The following HYDIN variants were observed in gnomAD, a reference collection of about 807,000 sequenced individuals.
The protein encoded by HYDIN is HYDIN axonemal central pair apparatus protein, also known as axonemal central pair apparatus protein HYDIN.
HYDIN carries 132 observed loss-of-function variants against 403.9 expected under a neutral mutation model. That is an observed-to-expected ratio of 0.33 (90% CI 0.28 to 0.38). The LOEUF (loss-of-function observed/expected upper bound fraction) is 0.38, where lower values mean the gene tolerates loss of function less well. Among genes scored for constraint, HYDIN ranks in the 10% least tolerant of loss-of-function variants. The probability of loss-of-function intolerance (pLI) is 1.00; values close to 1 mark genes in which losing one functional copy is unlikely to be tolerated. For synonymous variants in HYDIN, 1,202 were observed against 1,891.7 expected (o/e 0.64, Z 9.46); for missense variants, 2,827 against 5,009.5 (o/e 0.56, Z 13.15).
intron 75 of HYDIN, among the ~76,000 whole-genome samples, chr16:70,847,163 C>G (rs1212554570): frequency 6.6e-6 from 1 of 151,824 alleles, no homozygotes; most frequent in Non-Finnish European, 1.5e-5. Context: ...TTAATAACAA[C>G]TTAATTTCAA....
intron 9 of HYDIN, among the ~76,000 whole-genome samples, chr16:71,128,538 G>C (rs2084566683): frequency 6.6e-6 from 1 of 151,992 alleles, no homozygotes; most frequent in Admixed American, 6.6e-5. Context: ...GCAACAATTC[G>C]GCAGCGCTAA....
At chr16:71,117,802 G>T (rs2084098084) in intron 9 of HYDIN, among the ~76,000 whole-genome samples, 2 of 152,088 alleles carry the variant, frequency 1.3e-5, no homozygotes, top group African/African-American at 2.4e-5. Flanking sequence ...TATCAAACAA[G>T]AGGGAGAAAA....
At chr16:71,215,089 A>G (rs1023283900) in intron 1 of HYDIN, among the ~76,000 whole-genome samples, 7 of 152,190 alleles carry the variant, frequency 4.6e-5, no homozygotes, top group African/African-American at 1.4e-4. Flanking sequence ...CAATCAATTC[A>G]TCAATCAAAT....
At chr16:70,875,621 T>G (rs370123993) in intron 62 of HYDIN, among the ~76,000 whole-genome samples, 3 of 152,274 alleles carry the variant, frequency 2.0e-5, no homozygotes, top group African/African-American at 7.2e-5. Context: ...AGATAAAAAA[T>G]TATGTATTTA....
At chr16:71,002,930 TC>T (rs1310276245) in intron 23 of HYDIN, among the ~76,000 whole-genome samples, 1 of 151,998 alleles carries the variant, frequency 6.6e-6, no homozygotes, top group Non-Finnish European at 1.5e-5. Context: ...TGCCTTGGCC[TC>T]CCAAAGTGCT....
intron 1 of HYDIN, among the ~76,000 whole-genome samples, chr16:71,221,783 T>C (rs1377938830): frequency 6.6e-6 from 1 of 152,186 alleles, no homozygotes; most frequent in African/African-American, 2.4e-5. Context: ...AGAAATATAG[T>C]GTTAAATCAA....
At chr16:70,979,805 T>A (rs1403217802) in intron 29 of HYDIN, among the ~76,000 whole-genome samples, 1 of 152,070 alleles carries the variant, frequency 6.6e-6, no homozygotes, top group Non-Finnish European at 1.5e-5. Context: ...GTGGCTGTAA[T>A]CCCAGCTACT....
intron 42 of HYDIN, among the ~76,000 whole-genome samples, chr16:70,943,392 T>C (rs1318887984): frequency 6.6e-6 from 1 of 152,214 alleles, no homozygotes; most frequent in East Asian, 1.9e-4. Flanking sequence ...ATGTGTGTAG[T>C]ATACATTTCT....
chr16:70,860,994 G>A, intron 69 of HYDIN, 93 bp from the exon 70 acceptor site: 3 of 965,708 alleles, frequency 3.1e-6, no homozygotes, highest in African/African-American at 1.7e-5. Flanking sequence ...CCACCAGAAT[G>A]TGAGCTCTAT....
chr16:70,963,660 G>GT (rs2078485544), intron 37 of HYDIN, among the ~76,000 whole-genome samples: 1 of 81,692 alleles, frequency 1.2e-5, no homozygotes, highest in Non-Finnish European at 2.3e-5. Context: ...CAAACTCAAG[G>GT]AACGTGACTA....
intron 10 of HYDIN, among the ~76,000 whole-genome samples, chr16:71,110,392 A>T (rs373749007): frequency 7.1e-6 from 1 of 141,294 alleles, no homozygotes; most frequent in Non-Finnish European, 1.5e-5. Flanking sequence ...CATATATTTT[A>T]TATATATATT....
At chr16:70,858,764 A>G (rs2027509) in intron 71 of HYDIN, among the ~76,000 whole-genome samples, 3,244 of 108,486 alleles carry the variant, frequency 0.03, no homozygotes, top group South Asian at 0.092. Flanking sequence ...GCCTCTTGGA[A>G]CCGAGCTCAC....
At chr16:71,123,800 T>C (rs1030742699) in intron 9 of HYDIN, among the ~76,000 whole-genome samples, 7 of 151,076 alleles carry the variant, frequency 4.6e-5, no homozygotes, top group African/African-American at 1.5e-4. Context: ...TGAGATCTGA[T>C]GGTTTTATAA....
intron 18 of HYDIN, among the ~76,000 whole-genome samples, chr16:71,038,524 G>A (rs1369271070): frequency 1.3e-5 from 2 of 151,728 alleles, no homozygotes; most frequent in African/African-American, 4.8e-5. Flanking sequence ...CTCCTTCCAT[G>A]AAATAAAGAG....
intron 10 of HYDIN, among the ~76,000 whole-genome samples, chr16:71,094,842 G>A (rs1209509541): frequency 3.3e-5 from 5 of 152,102 alleles, no homozygotes; most frequent in Non-Finnish European, 7.4e-5. Context: ...CAGCAATGAG[G>A]GCAGATTTTC....
At chr16:71,111,326 C>A (rs1225834519) in intron 10 of HYDIN, among the ~76,000 whole-genome samples, 3 of 151,830 alleles carry the variant, frequency 2.0e-5, no homozygotes, top group African/African-American at 7.3e-5. Flanking sequence ...CAGTGCTTCA[C>A]CTTGACCACA....
intron 60 of HYDIN, among the ~76,000 whole-genome samples, chr16:70,880,538 C>T (rs1447380205): frequency 6.6e-6 from 1 of 152,112 alleles, no homozygotes; most frequent in Non-Finnish European, 1.5e-5. Flanking sequence ...TGGTGCCAGT[C>T]CCAAGGAGTC....
chr16:70,946,734 G>C (rs528450195), intron 41 of HYDIN, among the ~76,000 whole-genome samples: 22 of 152,318 alleles, frequency 1.4e-4, no homozygotes, highest in African/African-American at 5.3e-4. Flanking sequence ...GCAGGATTGT[G>C]ATAGAGAGAT....
intron 18 of HYDIN, among the ~76,000 whole-genome samples, chr16:71,033,998 G>C (rs1179189010): frequency 2.0e-5 from 3 of 152,064 alleles, no homozygotes; most frequent in Non-Finnish European, 4.4e-5. Flanking sequence ...TAACGGAGAG[G>C]AAAAGCCACA....
Sources: gnomAD v4.1 joint callset for allele counts (sites outside exome capture counted in the v4.1 genomes callset) on GRCh38, gnomAD v4.1.1 for gene constraint, MANE v1.5 for transcripts, NCBI Gene and HGNC (gene_info 2026-07-23, HGNC 2026-07-21) for gene names.